Variants in ST8SIA1 observed in about 807,000 individuals in gnomAD.
ST8SIA1 encodes alpha-N-acetylneuraminide alpha-2,8-sialyltransferase.
A neutral mutation model predicts 35.9 loss-of-function variants in ST8SIA1; 16 were observed. The observed-to-expected ratio is 0.45, with a 90% CI of 0.30 to 0.68. ST8SIA1 has a LOEUF of 0.68. Among genes scored for constraint, ST8SIA1 ranks in the 30% least tolerant of loss-of-function variants. The pLI, the probability that ST8SIA1 is intolerant of heterozygous loss-of-function variation, is 0.09. For missense variants in ST8SIA1, 383 were observed against 453.6 expected (o/e 0.84, Z 1.41); for synonymous variants, 170 against 169.6 (o/e 1.00, Z -0.02).
intron 1 of ST8SIA1, among the ~76,000 whole-genome samples, chr12:22,287,624 A>C (rs1052393827): frequency 2.6e-5 from 4 of 152,214 alleles, no homozygotes; most frequent in Non-Finnish European, 5.9e-5. Flanking sequence ...ATCCAGGTCC[A>C]GAAAAGACTT....
At chr12:22,219,453 G>T (rs1865272638) in intron 4 of ST8SIA1, among the ~76,000 whole-genome samples, 1 of 152,144 alleles carries the variant, frequency 6.6e-6, no homozygotes, top group Non-Finnish European at 1.5e-5. Flanking sequence ...GCACTTCAGA[G>T]CCAGGATAGG....
intron 2 of ST8SIA1, among the ~76,000 whole-genome samples, chr12:22,285,883 A>C (rs1055192291): frequency 6.6e-6 from 1 of 151,000 alleles, no homozygotes; most frequent in African/African-American, 2.4e-5. Context: ...AAAACAAAAA[A>C]AAAAAAAAAA....
intron 1 of ST8SIA1, among the ~76,000 whole-genome samples, chr12:22,298,687 A>T (rs1866278198): frequency 6.6e-6 from 1 of 152,348 alleles, no homozygotes; most frequent in African/African-American, 2.4e-5. Context: ...TTCTACTTCC[A>T]GTGGGTCAAC....
chr12:22,206,944 G>C (rs1290014510), intron 4 of ST8SIA1, among the ~76,000 whole-genome samples: 1 of 152,280 alleles, frequency 6.6e-6, no homozygotes, highest in East Asian at 1.9e-4. Context: ...AAGGCATTTA[G>C]GTAATAAGAA....
chr12:22,272,228 CAG>C (rs2135806883), intron 2 of ST8SIA1, among the ~76,000 whole-genome samples: 1 of 152,288 alleles, frequency 6.6e-6, no homozygotes, highest in South Asian at 2.1e-4. Context: ...TCAAATATTG[CAG>C]AGAGCACTTT....
chr12:22,255,438 G>A (rs575538370), intron 2 of ST8SIA1, 49 bp from the exon 3 acceptor site: 4 of 1,471,304 alleles, frequency 2.7e-6, no homozygotes, highest in East Asian at 2.3e-5. Context: ...ACACACAACC[G>A]CTCACAAAAT....
At position 22,196,125 on chromosome 12, in the gene ST8SIA1, A is replaced by G. The variant is rs867159802; in HGVS notation, c.*5427T>C. 1.3e-5 allele frequency: 2 copies of G among 152,234 alleles called. No individual in the cohort carries two copies. The highest frequency in any genetic ancestry group is 2.9e-5 in the Non-Finnish European group (2 of 68,048). 9.4% of individuals were successfully genotyped at this position (152,234 alleles called of 1,614,324 possible). A position where few individuals can be genotyped will look rare whatever the true frequency, so the allele number is the denominator to read the frequency against. On this transcript the variant is annotated 3_prime_UTR_variant, in exon 5 of 5. Transcript: ENST00000396037. ...AAACACAGAGGAGTGACCATAAAATATAATTCCTCTTCTGTGCTTTAAAAA... is the reference window on the plus strand; with the variant it reads ...AAACACAGAGGAGTGACCATAAAATGTAATTCCTCTTCTGTGCTTTAAAAA...
chr12:22,270,808 AATTTT>A (rs1436907289), intron 2 of ST8SIA1, among the ~76,000 whole-genome samples: 2 of 152,224 alleles, frequency 1.3e-5, no homozygotes, highest in Non-Finnish European at 2.9e-5. Flanking sequence ...AATTTACACA[AATTTT>A]AAAGATAGGA....
intron 4 of ST8SIA1, chr12:22,223,587 T>C (rs1296548824): frequency 1.4e-5 from 15 of 1,057,428 alleles, no homozygotes; most frequent in Non-Finnish European, 1.7e-5. Flanking sequence ...CAGATTCTGA[T>C]TCAAGCAGCA....
intron 1 of ST8SIA1, among the ~76,000 whole-genome samples, chr12:22,290,378 T>C (rs946940197): frequency 2.6e-5 from 4 of 152,222 alleles, no homozygotes; most frequent in African/African-American, 7.2e-5. Flanking sequence ...ACTAGTACTA[T>C]AGTACTACCA....
intron 4 of ST8SIA1, among the ~76,000 whole-genome samples, chr12:22,206,945 GT>G (rs1433481190): frequency 6.6e-6 from 1 of 152,170 alleles, no homozygotes; most frequent in Admixed American, 6.5e-5. Context: ...AGGCATTTAG[GT>G]AATAAGAAAG....
chr12:22,231,714 C>T (rs1328907187), intron 4 of ST8SIA1, among the ~76,000 whole-genome samples: 1 of 151,990 alleles, frequency 6.6e-6, no homozygotes, highest in Non-Finnish European at 1.5e-5. Flanking sequence ...GCTGGGACTA[C>T]AGGCACCCAC....
chr12:22,226,681 A>T (rs1013174885), intron 4 of ST8SIA1, among the ~76,000 whole-genome samples: 10 of 151,856 alleles, frequency 6.6e-5, no homozygotes, highest in African/African-American at 2.4e-4. Context: ...GGAAATATTA[A>T]GGGGTTTACT....
intron 4 of ST8SIA1, among the ~76,000 whole-genome samples, chr12:22,245,682 G>A (rs1865591969): frequency 6.6e-6 from 1 of 152,240 alleles, no homozygotes; most frequent in Admixed American, 6.5e-5. Context: ...GGAGTTGACT[G>A]ACGGCTGGCA....
chr12:22,290,411 T>A (rs1040408000), intron 1 of ST8SIA1, among the ~76,000 whole-genome samples: 1 of 152,128 alleles, frequency 6.6e-6, no homozygotes, highest in Non-Finnish European at 1.5e-5. Flanking sequence ...ATAGTAGTAG[T>A]CATATTAGAA....
At chr12:22,229,544 C>A (rs7307161) in intron 4 of ST8SIA1, among the ~76,000 whole-genome samples, 2 of 144,268 alleles carry the variant, frequency 1.4e-5, no homozygotes, top group East Asian at 2.1e-4. Flanking sequence ...TGAGCCCAGG[C>A]GGTCGAGTCT....
chr12:22,218,747 G>A (rs1334861492), intron 4 of ST8SIA1, among the ~76,000 whole-genome samples: 1 of 151,814 alleles, frequency 6.6e-6, no homozygotes, highest in Admixed American at 6.6e-5. Flanking sequence ...TTGAACCTGG[G>A]AGGCGGAGGT....
intron 1 of ST8SIA1, among the ~76,000 whole-genome samples, chr12:22,320,983 GA>G (rs879284541): frequency 6.5e-4 from 77 of 117,718 alleles, no homozygotes; most frequent in African/African-American, 2.2e-3. Context: ...AAGAAAGAAA[GA>G]AAGAAAGAAA....
chr12:22,201,763 C>G lies in ST8SIA1; in HGVS notation c.860G>C (p.Cys287Ser). 1 of 1,614,128 alleles carries G rather than the reference C, an allele frequency of 6.2e-7. No individual in the cohort carries two copies. The highest frequency in any genetic ancestry group is 8.5e-7 in the Non-Finnish European group (1 of 1,179,978). The change falls in exon 5 of 5, where the codon TGT becomes TCT. Residue 287 changes from cysteine (C) to serine (S), a missense_variant. Physicochemically the swap from Cys to Ser is moderately radical, Grantham distance 112. Transcript: ENST00000396037. Reference sequence around the variant, plus strand: ...GAAGCCATAGATGGCCACCTCTTCACAGAGACCCAGAGCTGCGCTCACCAG... The same window carrying G: ...GAAGCCATAGATGGCCACCTCTTCAGAGAGACCCAGAGCTGCGCTCACCAG... ...LFLVSAALGL[C>S]EEVAIYGFWP...
Sources: allele counts gnomAD v4.1 joint callset (sites outside exome capture counted in the v4.1 genomes callset), GRCh38; gene constraint gnomAD v4.1.1; transcripts MANE v1.5; gene names NCBI Gene and HGNC (gene_info 2026-07-23, HGNC 2026-07-21).